The following TMTC2 variants were observed in gnomAD, a reference collection of about 807,000 sequenced individuals.
TMTC2 encodes protein O-mannosyl-transferase TMTC2.
Under a neutral mutation model 82.4 loss-of-function variants are expected in TMTC2, and 43 were observed. The ratio of observed to expected loss-of-function variants is 0.52; its 90% CI spans 0.41 to 0.67. The LOEUF (loss-of-function observed/expected upper bound fraction) is 0.67, where lower values mean the gene tolerates loss of function less well. Among genes scored for constraint, TMTC2 ranks in the 30% least tolerant of loss-of-function variants. TMTC2 has a pLI of 0.00. For missense variants in TMTC2, 919 were observed against 1,012.4 expected (o/e 0.91, Z 1.25); for synonymous variants, 408 against 381.9 (o/e 1.07, Z -0.80).
chr12:82,832,215 T>C (rs926430752), intron 1 of TMTC2, among the ~76,000 whole-genome samples: 2 of 152,130 alleles, frequency 1.3e-5, no homozygotes, highest in Non-Finnish European at 2.9e-5. Flanking sequence ...CTGAATTCAT[T>C]TGGCTGTGAA....
chr12:82,843,325 G>C (rs1202007802), intron 1 of TMTC2, among the ~76,000 whole-genome samples: 2 of 151,932 alleles, frequency 1.3e-5, no homozygotes, highest in Non-Finnish European at 2.9e-5. Context: ...GACTTCAAGT[G>C]ATCTGCCTGC....
At chr12:83,048,463 A>G (rs940347964) in intron 9 of TMTC2, among the ~76,000 whole-genome samples, 6 of 152,216 alleles carry the variant, frequency 3.9e-5, no homozygotes, top group African/African-American at 9.6e-5. Context: ...GAGATAAGAA[A>G]GCCACAGAAT....
At chr12:82,909,241 C>T (rs1417310337) in intron 3 of TMTC2, among the ~76,000 whole-genome samples, 5 of 152,166 alleles carry the variant, frequency 3.3e-5, no homozygotes, top group Admixed American at 6.5e-5. Context: ...TCATTAAAGC[C>T]TAAACCTAGG....
At chr12:83,039,574 G>A (rs1054185410) in intron 9 of TMTC2, among the ~76,000 whole-genome samples, 17 of 152,072 alleles carry the variant, frequency 1.1e-4, no homozygotes. Context: ...GTGAGATGGG[G>A]AGGGTACATG....
At chr12:82,830,940 T>A (rs903678267) in intron 1 of TMTC2, among the ~76,000 whole-genome samples, 1 of 152,132 alleles carries the variant, frequency 6.6e-6, no homozygotes, top group Non-Finnish European at 1.5e-5. Flanking sequence ...GGGTAGATAG[T>A]CCATATCAAC....
intron 1 of TMTC2, among the ~76,000 whole-genome samples, chr12:82,843,988 A>C (rs1474479897): frequency 6.6e-6 from 1 of 152,170 alleles, no homozygotes; most frequent in Non-Finnish European, 1.5e-5. Context: ...CTCAATTCAG[A>C]GAAGACAGGA....
intron 11 of TMTC2, among the ~76,000 whole-genome samples, chr12:83,119,584 A>G (rs945860096): frequency 6.6e-6 from 1 of 152,226 alleles, no homozygotes; most frequent in East Asian, 1.9e-4. Context: ...TCTTGGAGAA[A>G]GTTCCATCTG....
rs144225340 is a variant in TMTC2, at chr12:82,773,844, A to C, written c.84-83166A>C. 2.6e-5 allele frequency among the ~76,000 whole-genome samples: 4 copies of C among 151,652 alleles called. No homozygotes were observed. In the East Asian group the frequency reaches 5.8e-4, roughly 22 times the overall value. On this transcript the variant is annotated intron_variant, in intron 1 of 11. Transcript: ENST00000321196. ...TCCCCAACCATTTTCTTAACCTTTT[A>C]TTTTTTTCTTTTTTCTTTTAATTCT...
chr12:82,822,448 C>A (rs1343499878), intron 1 of TMTC2, among the ~76,000 whole-genome samples: 1 of 152,056 alleles, frequency 6.6e-6, no homozygotes, highest in African/African-American at 2.4e-5. Flanking sequence ...TTGCTGTCAA[C>A]CTCATAGAGC....
intron 1 of TMTC2, among the ~76,000 whole-genome samples, chr12:82,815,591 C>T (rs990198679): frequency 6.6e-6 from 1 of 151,966 alleles, no homozygotes; most frequent in Admixed American, 6.6e-5. Flanking sequence ...GGATTACAGG[C>T]GTCCTTCAAG....
At chr12:82,977,449 GGTT>G (rs1464173376) in intron 7 of TMTC2, among the ~76,000 whole-genome samples, 1 of 151,808 alleles carries the variant, frequency 6.6e-6, no homozygotes, top group Non-Finnish European at 1.5e-5. Context: ...AATTATTTAA[GGTT>G]GTTGTAGATA....
At chr12:82,699,241 T>G (rs1019456226) in intron 1 of TMTC2, among the ~76,000 whole-genome samples, 1 of 152,238 alleles carries the variant, frequency 6.6e-6, no homozygotes, top group African/African-American at 2.4e-5. Context: ...TCCACTCTTG[T>G]GGCCAGCAGT....
At chr12:83,058,199 A>C (rs1882613228) in intron 10 of TMTC2, among the ~76,000 whole-genome samples, 1 of 151,886 alleles carries the variant, frequency 6.6e-6, no homozygotes, top group South Asian at 2.1e-4. Context: ...CATGTACAAA[A>C]ATGGAATTCC....
intron 1 of TMTC2, among the ~76,000 whole-genome samples, chr12:82,761,530 G>A (rs567266710): frequency 6.6e-6 from 1 of 152,234 alleles, no homozygotes; most frequent in East Asian, 1.9e-4. Flanking sequence ...GATTCTCTAT[G>A]GCCTTACCAT....
chr12:82,777,943 T>C (rs2137004189), intron 1 of TMTC2, among the ~76,000 whole-genome samples: 1 of 152,232 alleles, frequency 6.6e-6, no homozygotes, highest in South Asian at 2.1e-4. Context: ...CCTGCTCTCT[T>C]TGTGGGGGCT....
chr12:82,988,187 G>T (rs1879249483), intron 8 of TMTC2, among the ~76,000 whole-genome samples: 1 of 152,182 alleles, frequency 6.6e-6, no homozygotes, highest in African/African-American at 2.4e-5. Context: ...TGGGAAGAGA[G>T]ATTTCAGTGG....
At chr12:82,920,049 C>A (rs1048309052) in intron 3 of TMTC2, among the ~76,000 whole-genome samples, 5 of 152,156 alleles carry the variant, frequency 3.3e-5, no homozygotes, top group Non-Finnish European at 7.3e-5. Flanking sequence ...TAGCAACAAC[C>A]CTGCTCTAAG....
intron 8 of TMTC2, 49 bp from the exon 9 acceptor site, chr12:83,030,749 A>T: frequency 7.1e-7 from 1 of 1,410,452 alleles, no homozygotes; most frequent in Non-Finnish European, 1.0e-6. Flanking sequence ...GGCAGTGAAG[A>T]ATCCCTCATG....
chr12:83,111,626 T>G (rs1884603615), intron 11 of TMTC2, among the ~76,000 whole-genome samples: 1 of 152,168 alleles, frequency 6.6e-6, no homozygotes, highest in African/African-American at 2.4e-5. Context: ...TATCACAATA[T>G]AAAATGTCAC....
Sources: gnomAD v4.1 joint callset for allele counts (sites outside exome capture counted in the v4.1 genomes callset) on GRCh38, gnomAD v4.1.1 for gene constraint, MANE v1.5 for transcripts, NCBI Gene and HGNC (gene_info 2026-07-23, HGNC 2026-07-21) for gene names.